Variants in CFI observed in about 807,000 individuals in gnomAD.
The protein encoded by CFI is C3B/C4B inactivator.
CFI carries 66 observed loss-of-function variants against 78.8 expected under a neutral mutation model. That is an observed-to-expected ratio of 0.84 (90% CI 0.69 to 1.03). The LOEUF (loss-of-function observed/expected upper bound fraction) is 1.03. Among genes scored for constraint, CFI ranks in the 50% least tolerant of loss-of-function variants. CFI has a pLI of 0.00. For synonymous variants in CFI, 250 were observed against 232.6 expected (o/e 1.07, Z -0.68); for missense variants, 706 against 704.5 (o/e 1.00, Z -0.02).
intron 1 of CFI, among the ~76,000 whole-genome samples, chr4:109,800,571 TG>T (rs1732658363): frequency 6.6e-6 from 1 of 152,026 alleles, no homozygotes; most frequent in African/African-American, 2.4e-5. Context: ...CACTGTGCTA[TG>T]GGTTTCTTTT....
chr4:109,769,409 C>T (rs1190673100), intron 1 of CFI, among the ~76,000 whole-genome samples: 1 of 152,192 alleles, frequency 6.6e-6, no homozygotes, highest in Non-Finnish European at 1.5e-5. Context: ...CTCAGACTTG[C>T]TTCCAGGGTG....
In CFI at chr4:109,749,564, A is replaced by G. The variant is rs573487550; in HGVS notation, c.979T>C (p.Cys327Arg). The change falls in exon 9 of 13, where the codon TGT becomes CGT. Residue 327 changes from cysteine to arginine, a missense_variant. Physicochemically the swap from Cys to Arg is radical, Grantham distance 180. Coordinates refer to ENST00000394634, the MANE Select transcript of CFI (RefSeq NM_000204.5). ...RIKSLLPKLSCGVKNRMHIRR... is the reference protein window; with the variant it reads ...RIKSLLPKLSRGVKNRMHIRR... Reference sequence around the variant, plus strand: ...ATGTGCATTCTGTTTTTAACTCCACAAGATAGTTTAGGTAATAATGATTTT... The same window carrying G: ...ATGTGCATTCTGTTTTTAACTCCACGAGATAGTTTAGGTAATAATGATTTT... The G allele has an allele frequency of 1.2e-6, 2 of 1,611,914 alleles. No homozygotes were observed. Among genetic ancestry groups the G allele is most frequent in the African/African-American group, 1.3e-5 (1 of 74,982 alleles).
At chr4:109,732,650 G>A in the CFI span, among the ~76,000 whole-genome samples, 1 of 152,074 alleles carries the variant, frequency 6.6e-6, no homozygotes, top group Admixed American at 6.5e-5. Context: ...GAGGTCAGGA[G>A]ATCGAGACCA....
At chr4:109,752,694 A>C (rs182349302) in intron 7 of CFI, among the ~76,000 whole-genome samples, 191 bp from the exon 8 acceptor site, 6 of 151,054 alleles carry the variant, frequency 4.0e-5, no homozygotes, top group African/African-American at 1.5e-4. Flanking sequence ...GTAAAGGCTC[A>C]AGATGCACTG....
At chr4:109,746,523 A>G (rs752520870) in intron 10 of CFI, 21 bp from the exon 11 acceptor site, 4 of 1,547,472 alleles carry the variant, frequency 2.6e-6, no homozygotes, top group Non-Finnish European at 3.5e-6. Flanking sequence ...AAAAAAAAGG[A>G]AATAAAATAT....
chr4:109,756,927 A>AAGAAAGAAAGAAAG (rs1561297735), intron 7 of CFI, among the ~76,000 whole-genome samples: 5 of 148,270 alleles, frequency 3.4e-5, no homozygotes, highest in African/African-American at 1.2e-4. Flanking sequence ...GAAAGAAAGA[A>AAGAAAGAAAGAAAG]AGAAAGAAAG....
At chr4:109,756,915 A>G (rs1034308376) in intron 7 of CFI, among the ~76,000 whole-genome samples, 3 of 131,108 alleles carry the variant, frequency 2.3e-5, no homozygotes, top group African/African-American at 8.9e-5. Flanking sequence ...GAAAGAAAGA[A>G]AGAAAGAAAG....
chr4:109,736,691 G>T (rs1029472581), downstream of CFI, among the ~76,000 whole-genome samples: 9 of 152,174 alleles, frequency 5.9e-5, no homozygotes, highest in Admixed American at 3.9e-4. Flanking sequence ...GGGATGGAAA[G>T]AACCCACTTA....
chr4:109,778,365 A>C (rs1482087548), intron 1 of CFI, among the ~76,000 whole-genome samples: 1 of 152,230 alleles, frequency 6.6e-6, no homozygotes, highest in African/African-American at 2.4e-5. Context: ...CTATGCAAAT[A>C]AACTAGAAAA....
chr4:109,749,184 G>A lies in CFI; in HGVS notation c.1148+34C>T, dbSNP rs139522303. The A allele has an allele frequency of 7.6e-4, 1,187 of 1,556,730 alleles. 4 individuals carry two copies. The highest frequency in any genetic ancestry group is 5.4e-3 in the Middle Eastern group (32 of 5,964). Reference sequence around the variant, plus strand: ...CTCTATTACTCACTTTCATTGTTTCGGGAAATCTAAAATTTACTGAAGACA... The same window carrying A: ...CTCTATTACTCACTTTCATTGTTTCAGGAAATCTAAAATTTACTGAAGACA... On this transcript the variant is annotated intron_variant, in intron 10 of 12. Transcript: ENST00000394634.
chr4:109,736,979 C>A (rs1717126488), downstream of CFI, among the ~76,000 whole-genome samples: 1 of 152,178 alleles, frequency 6.6e-6, no homozygotes, highest in South Asian at 2.1e-4. Flanking sequence ...AGTCTCAAAT[C>A]CCTCTCCCTA....
At chr4:109,748,490 G>A (rs886761041) in intron 10 of CFI, among the ~76,000 whole-genome samples, 1 of 152,198 alleles carries the variant, frequency 6.6e-6, no homozygotes, top group African/African-American at 2.4e-5. Flanking sequence ...TATCAAGAGG[G>A]CTTTGACTTA....
chr4:109,731,081 G>C, the CFI span, among the ~76,000 whole-genome samples: 1 of 152,126 alleles, frequency 6.6e-6, no homozygotes, highest in South Asian at 2.1e-4. Context: ...GACCAAGCGC[G>C]GTGGTTTACG....
intron 1 of CFI, among the ~76,000 whole-genome samples, chr4:109,771,506 A>G (rs1377959414): frequency 2.0e-5 from 3 of 151,052 alleles, no homozygotes; most frequent in East Asian, 3.9e-4. Context: ...GCAGTTTGAG[A>G]CCATTCTGGC....
chr4:109,746,849 A>G (rs1421379422), intron 10 of CFI, among the ~76,000 whole-genome samples: 1 of 152,176 alleles, frequency 6.6e-6, no homozygotes, highest in Non-Finnish European at 1.5e-5. Flanking sequence ...CTTGCCATAA[A>G]TGTAGTTAAG....
rs376886295 is a variant in CFI at position 109,766,814 on chromosome 4, G to A, written c.68C>T (p.Thr23Ile). 1 of 1,613,998 alleles carries A rather than the reference G, an allele frequency of 6.2e-7. No individual in the cohort carries two copies. The highest frequency in any genetic ancestry group is 1.3e-5 in the African/African-American group (1 of 74,910). ...TTTCTCCACCAGATCCTCTTGAGATGTATAAGTGACCTGTAAAATGCAAAA... is the reference window on the plus strand; with the variant it reads ...TTTCTCCACCAGATCCTCTTGAGATATATAAGTGACCTGTAAAATGCAAAA... Reference protein sequence around the residue: ...FHLRFCKVTYTSQEDLVEKKC... With the variant: ...FHLRFCKVTYISQEDLVEKKC... The change falls in exon 2 of 13, where the codon ACA (threonine) becomes ATA (isoleucine). Residue 23 changes from threonine (T) to isoleucine (I), a missense_variant. Transcript: ENST00000394634.
chr4:109,770,568 A>G (rs1284395536), intron 1 of CFI, among the ~76,000 whole-genome samples: 1 of 151,134 alleles, frequency 6.6e-6, no homozygotes, highest in Non-Finnish European at 1.5e-5. Flanking sequence ...AAAAAAAAAA[A>G]AGAAAAAAAA....
At chr4:109,766,946 C>A in intron 1 of CFI, 122 bp from the exon 2 acceptor site, 1 of 939,452 alleles carries the variant, frequency 1.1e-6, no homozygotes, top group African/African-American at 1.6e-5. Flanking sequence ...ATGGTGTTGT[C>A]TGGTGGCTTC....
chr4:109,740,594 C>A (rs1477276711), downstream of CFI: 3 of 391,408 alleles, frequency 7.7e-6, no homozygotes, highest in African/African-American at 4.1e-5. Context: ...TTGAACCCAA[C>A]CTTATGTAAG....
Sources: allele counts gnomAD v4.1 joint callset (sites outside exome capture counted in the v4.1 genomes callset), GRCh38; gene constraint gnomAD v4.1.1; transcripts MANE v1.5; gene names NCBI Gene and HGNC (gene_info 2026-07-23, HGNC 2026-07-21).